The following PRKAR1B variants were observed in gnomAD, a reference collection of about 807,000 sequenced individuals.
The protein encoded by PRKAR1B is protein kinase cAMP-dependent type I regulatory subunit beta.
In PRKAR1B, 22 loss-of-function variants were observed where a neutral mutation model predicts 46.5. The observed-to-expected ratio is 0.47, with a 90% CI of 0.34 to 0.68. The LOEUF is 0.68. PRKAR1B is among the 30% of genes least tolerant of loss of function. The pLI is 0.01. For synonymous variants in PRKAR1B, 259 were observed against 217.7 expected (o/e 1.19, Z -1.67); for missense variants, 445 against 535.6 (o/e 0.83, Z 1.67).
intron 5 of PRKAR1B, 81 bp downstream of exon 5, chr7:607,310 G>T: frequency 7.2e-7 from 1 of 1,384,434 alleles, no homozygotes; most frequent in Non-Finnish European, 1.0e-6. Context: ...CATCGTGCCT[G>T]CCCTTATGCT....
chr7:715,537 C>T (rs1277556181), intron 1 of PRKAR1B, among the ~76,000 whole-genome samples: 6 of 152,086 alleles, frequency 3.9e-5, no homozygotes, highest in Non-Finnish European at 8.8e-5. Context: ...CAGTAAATCA[C>T]ATATCTTCCC....
At chr7:579,796 G>A (rs1252387183) in intron 8 of PRKAR1B, among the ~76,000 whole-genome samples, 1 of 152,204 alleles carries the variant, frequency 6.6e-6, no homozygotes, top group Non-Finnish European at 1.5e-5. Context: ...CTACTAAGTG[G>A]TTTAAAATAA....
At chr7:710,545 T>G (rs770045886) in intron 2 of PRKAR1B, among the ~76,000 whole-genome samples, 3 of 151,996 alleles carry the variant, frequency 2.0e-5, no homozygotes, top group Non-Finnish European at 4.4e-5. Context: ...CGACCACACG[T>G]GCCGAAGGGT....
At chr7:568,536 C>T (rs562157319) in intron 9 of PRKAR1B, among the ~76,000 whole-genome samples, 16 of 152,336 alleles carry the variant, frequency 1.1e-4, no homozygotes, top group South Asian at 8.3e-4. Context: ...TCAAGGGCCC[C>T]GGCTTCACTC....
intron 1 of PRKAR1B, among the ~76,000 whole-genome samples, chr7:717,124 CTACAAAAAA>C (rs1780909969): frequency 6.6e-6 from 1 of 151,944 alleles, no homozygotes; most frequent in Non-Finnish European, 1.5e-5. Context: ...AACCCCATCT[CTACAAAAAA>C]TACAAAAATT....
intron 1 of PRKAR1B, among the ~76,000 whole-genome samples, chr7:712,098 G>A (rs1019347549): frequency 5.9e-5 from 9 of 151,672 alleles, no homozygotes; most frequent in African/African-American, 1.7e-4. Flanking sequence ...TGCGGCGGCC[G>A]CGCAGCGAAG....
chr7:674,706 T>A (rs923011971), intron 4 of PRKAR1B, among the ~76,000 whole-genome samples: 1 of 152,166 alleles, frequency 6.6e-6, no homozygotes, highest in Non-Finnish European at 1.5e-5. Flanking sequence ...ACTCTCTCCA[T>A]GCCTAGCTAC....
In PRKAR1B at chr7:550,264, A is replaced by C. The variant is rs1417369057; in HGVS notation, c.*166T>G. Reference sequence around the variant, plus strand: ...CTTTGATTTGGAAATGCACAAGGTGATCATTTATTCCAAAAAGTGAGTCCG... The same window carrying C: ...CTTTGATTTGGAAATGCACAAGGTGCTCATTTATTCCAAAAAGTGAGTCCG... On this transcript the variant is annotated 3_prime_UTR_variant, in exon 11 of 11. Coordinates refer to ENST00000537384, the MANE Select transcript of PRKAR1B (RefSeq NM_001164760.2). 1.6e-6 allele frequency: 1 copy of C among 613,552 alleles called. No homozygotes were observed. The highest frequency in any genetic ancestry group is 2.9e-6 in the Non-Finnish European group (1 of 344,074). The allele number at this position is 613,552 out of a possible 1,614,324, so 38.0% of individuals were successfully genotyped here.
chr7:632,776 G>A (rs1021421952), intron 4 of PRKAR1B, among the ~76,000 whole-genome samples: 3 of 152,222 alleles, frequency 2.0e-5, no homozygotes, highest in Non-Finnish European at 4.4e-5. Context: ...CGTGATACAA[G>A]CTACAGAGCC....
intron 4 of PRKAR1B, among the ~76,000 whole-genome samples, chr7:631,129 TTAG>T (rs1783713950): frequency 6.6e-6 from 1 of 152,058 alleles, no homozygotes; most frequent in Non-Finnish European, 1.5e-5. Context: ...TTTTGTATTT[TTAG>T]TAGAGACAAG....
rs1784529033 is a variant in PRKAR1B at position 644,370 on chromosome 7, G to A, written c.440+32859C>T. Among the ~76,000 whole-genome samples, 1 of 152,176 alleles carries A rather than the reference G, an allele frequency of 6.6e-6. No individual in the cohort carries two copies. Among genetic ancestry groups the A allele is most frequent in the Non-Finnish European group, 1.5e-5 (1 of 68,028 alleles). On this transcript the variant is annotated intron_variant, in intron 4 of 10. Coordinates refer to ENST00000537384, the MANE Select transcript of PRKAR1B (RefSeq NM_001164760.2). This position sits in a 1 kb window ranked among gnomAD's most constrained non-coding sequence, Gnocchi z 4.9. Reference sequence around the variant, plus strand: ...TACACAATGAGGTGGGGAAACTGAGGCGCGCACATTCGGAACGGGGTTTTG... The same window carrying A: ...TACACAATGAGGTGGGGAAACTGAGACGCGCACATTCGGAACGGGGTTTTG...
rs117308406 is a variant in PRKAR1B, at chr7:643,416, C to T, written c.440+33813G>A. Among the ~76,000 whole-genome samples, 3 of 151,574 alleles carry T rather than the reference C, an allele frequency of 2.0e-5. No homozygotes were observed. The East Asian group carries it at 5.8e-4, about 29-fold the overall frequency. On this transcript the variant is annotated intron_variant, in intron 4 of 10. Coordinates refer to ENST00000537384, the MANE Select transcript of PRKAR1B (RefSeq NM_001164760.2). ...AGAACAACTGGACGATCCTTCGCAGCTCACTCATAAAAAGTCATAGCTTTG... is the reference window on the plus strand; with the variant it reads ...AGAACAACTGGACGATCCTTCGCAGTTCACTCATAAAAAGTCATAGCTTTG...
Position 606,093 on chromosome 7 carries a change from C to T in PRKAR1B, c.549+100G>A, listed in dbSNP as rs561200574. On this transcript the variant is annotated intron_variant, in intron 6 of 10. Transcript: ENST00000537384. ...AAAACACTAGGAATACGGCACTCAG[C>T]GCAGTGTTTGTTGGGGGCCTGGTGC... The T allele has an allele frequency of 1.1e-4, 123 of 1,108,274 alleles. 1 individual carries two copies. In the South Asian group the frequency reaches 1.3e-3, roughly 11 times the overall value. The allele number at this position is 1,108,274 out of a possible 1,614,324, so 68.7% of individuals were successfully genotyped here. A position where few individuals can be genotyped will look rare whatever the true frequency, so the allele number is the denominator to read the frequency against.
At chr7:723,359 G>A (rs114601781) in intron 1 of PRKAR1B, among the ~76,000 whole-genome samples, 1 of 152,144 alleles carries the variant, frequency 6.6e-6, no homozygotes, top group Non-Finnish European at 1.5e-5. Context: ...TTCTGTCTGT[G>A]CCTGTTGGCT....
chr7:673,074 A>AAAAAC (rs1562605342), intron 4 of PRKAR1B, among the ~76,000 whole-genome samples: 3 of 145,546 alleles, frequency 2.1e-5, no homozygotes. Flanking sequence ...AAAAAAAAAA[A>AAAAAC]AAAACACACA....
At chr7:578,228 G>A (rs1223559232) in intron 9 of PRKAR1B, among the ~76,000 whole-genome samples, 6 of 151,966 alleles carry the variant, frequency 3.9e-5, no homozygotes, top group Admixed American at 1.3e-4. Flanking sequence ...GCCGGCACCC[G>A]GAATGGGAGT....
rs913871160 is a variant in PRKAR1B at position 550,424 on chromosome 7, C to G, written c.*6G>C. 1 of 1,583,178 alleles carries G rather than the reference C, an allele frequency of 6.3e-7. No individual in the cohort carries two copies. Among genetic ancestry groups the G allele is most frequent in the Non-Finnish European group, 8.6e-7 (1 of 1,165,072 alleles). On this transcript the variant is annotated 3_prime_UTR_variant, in exon 11 of 11. Transcript: ENST00000537384. Reference sequence around the variant, plus strand: ...GGGAGCTGGGGCTGCAGGGCGGGAGCTGTGCTCAGACGGTGAGGGAGATGA... The same window carrying G: ...GGGAGCTGGGGCTGCAGGGCGGGAGGTGTGCTCAGACGGTGAGGGAGATGA...
intron 4 of PRKAR1B, among the ~76,000 whole-genome samples, chr7:622,871 C>T (rs1030359870): frequency 2.6e-5 from 4 of 151,602 alleles, no homozygotes; most frequent in African/African-American, 9.7e-5. Context: ...GAAAGAGTGG[C>T]CTGCTCAGTC....
intron 4 of PRKAR1B, among the ~76,000 whole-genome samples, chr7:662,459 A>C (rs866957721): frequency 5.2e-4 from 30 of 58,222 alleles, no homozygotes; most frequent in South Asian, 9.0e-4. Context: ...CAAGTTCCCC[A>C]CCCCAACGGG....
Sources: allele counts gnomAD v4.1 joint callset (sites outside exome capture counted in the v4.1 genomes callset), GRCh38; gene constraint gnomAD v4.1.1; non-coding constraint Gnocchi (gnomAD v3.1); transcripts MANE v1.5; gene names NCBI Gene and HGNC (gene_info 2026-07-23, HGNC 2026-07-21).